The following AP1M1 variants were observed in gnomAD, a reference collection of about 807,000 sequenced individuals.
AP1M1 encodes adaptor related protein complex 1 subunit mu 1, also known as AP-1 complex subunit mu-1.
A neutral mutation model predicts 57.1 loss-of-function variants in AP1M1; 18 were observed. The observed-to-expected ratio is 0.32, with a 90% CI of 0.22 to 0.47. AP1M1 has a LOEUF of 0.47. Among genes scored for constraint, AP1M1 ranks in the 20% least tolerant of loss-of-function variants. AP1M1 has a pLI of 1.00. For missense variants in AP1M1, 362 were observed against 593.5 expected (o/e 0.61, Z 4.05); for synonymous variants, 241 against 237.9 (o/e 1.01, Z -0.12).
intron 10 of AP1M1, chr19:16,233,931 C>T: frequency 1.8e-6 from 1 of 554,350 alleles, no homozygotes; most frequent in Non-Finnish European, 3.1e-6. Flanking sequence ...CCCAGAGAGC[C>T]AGGGGCCTTC....
rs1224483656 is a variant in AP1M1, at chr19:16,239,564, T to A, written c.*5129T>A. 6.6e-6 allele frequency: 1 copy of A among 151,832 alleles called. No homozygotes were observed. Among genetic ancestry groups the A allele is most frequent in the Admixed American group, 6.6e-5 (1 of 15,226 alleles). 9.4% of individuals were successfully genotyped at this position (151,832 alleles called of 1,614,324 possible). A position where few individuals can be genotyped will look rare whatever the true frequency, so the allele number is the denominator to read the frequency against. On this transcript the variant is annotated 3_prime_UTR_variant, in exon 12 of 12. Transcript: ENST00000291439. Reference sequence around the variant, plus strand: ...TTGGGAGGCTGAGGCGGCCAGATCATTTTAGGTCAGGAGTTTGAGACCAGC... The same window carrying A: ...TTGGGAGGCTGAGGCGGCCAGATCAATTTAGGTCAGGAGTTTGAGACCAGC...
At chr19:16,204,133 CTG>C (rs1028775376) in intron 2 of AP1M1, among the ~76,000 whole-genome samples, 39 of 151,772 alleles carry the variant, frequency 2.6e-4, no homozygotes, top group African/African-American at 9.2e-4. Flanking sequence ...TGGGGCAAGA[CTG>C]TGGGGACAGG....
In AP1M1 at chr19:16,207,959, C is replaced by T. The variant is rs895488304; in HGVS notation, c.268-60C>T. ...GAATGTGTGCAAGCGTTCATTCATTCCTCATCCGTCCGCTCAATGATCTGC... is the reference window on the plus strand; with the variant it reads ...GAATGTGTGCAAGCGTTCATTCATTTCTCATCCGTCCGCTCAATGATCTGC... On this transcript the variant is annotated intron_variant, in intron 3 of 11. Transcript: ENST00000291439. This position sits in a 1 kb window ranked among gnomAD's most constrained non-coding sequence, Gnocchi z 4.2. The T allele has an allele frequency of 3.8e-6, 6 of 1,564,116 alleles. No homozygotes were observed. The highest frequency in any genetic ancestry group is 5.2e-6 in the Non-Finnish European group (6 of 1,154,346).
chr19:16,203,394 G>A lies in AP1M1; in HGVS notation c.43-65G>A. On this transcript the variant is annotated intron_variant, in intron 1 of 11. Transcript: ENST00000291439. The surrounding 1 kb of genome is among the most constrained non-coding windows in gnomAD (Gnocchi z 4.6). ...AGCAGGGTGGTGCATCTCACCCCCT[G>A]CCCCAAGCCCCCAGATTGTAGAACT... is the stretch of plus-strand genomic sequence containing the variant. 6.3e-7 allele frequency: 1 copy of A among 1,578,076 alleles called. No individual in the cohort carries two copies. Among genetic ancestry groups the A allele is most frequent in the Non-Finnish European group, 8.7e-7 (1 of 1,149,598 alleles).
At position 16,221,683 on chromosome 19, in the gene AP1M1, C is replaced by T. The variant is rs755621811; in HGVS notation, c.547-4738C>T. ...TCCTTTATGTCTAAAACAAATATTTCGGTTAAAGTACAAGGACATAGAATG... is the reference window on the plus strand; with the variant it reads ...TCCTTTATGTCTAAAACAAATATTTTGGTTAAAGTACAAGGACATAGAATG... On this transcript the variant is annotated intron_variant, in intron 5 of 11. Transcript: ENST00000291439. Among the ~76,000 whole-genome samples, 203 of 152,272 alleles carry T rather than the reference C, an allele frequency of 1.3e-3. 1 individual carries two copies. The highest frequency in any genetic ancestry group is 3.9e-3 in the African/African-American group (160 of 41,544).
Position 16,227,735 on chromosome 19 carries a change from C to T in AP1M1, c.816+45C>T, listed in dbSNP as rs778518004. The stretch of plus-strand genomic sequence containing the variant: ...GCTGGGCTGTCGGCAGACTCCTCCT[C>T]CCCTTCACCTCCAGGAGGTGAAGCC... On this transcript the variant is annotated intron_variant, in intron 7 of 11. Transcript: ENST00000291439. This position sits in a 1 kb window ranked among gnomAD's most constrained non-coding sequence, Gnocchi z 6.2. 5 of 1,596,738 alleles carry T rather than the reference C, an allele frequency of 3.1e-6. No homozygotes were observed. Among genetic ancestry groups the T allele is most frequent in the Non-Finnish European group, 4.3e-6 (5 of 1,168,952 alleles).
intron 4 of AP1M1, 66 bp from the exon 5 acceptor site, chr19:16,208,964 C>G: frequency 6.4e-7 from 1 of 1,558,496 alleles, no homozygotes; most frequent in East Asian, 2.3e-5. Context: ...GCCGAAATGT[C>G]AAGGCCAGAA....
rs998281993 is a variant in AP1M1 at position 16,236,356 on chromosome 19, G to T, written c.*1921G>T. 2 of 152,274 alleles carry T rather than the reference G, an allele frequency of 1.3e-5. No homozygotes were observed. Among genetic ancestry groups the T allele is most frequent in the African/African-American group, 4.8e-5 (2 of 41,456 alleles). The allele number at this position is 152,274 out of a possible 1,614,324, so 9.4% of individuals were successfully genotyped here. ...AGACTGTAGAAATGCAGGAAATGAA[G>T]CAGACGCACCTAGCCGTGCCCATAA... On this transcript the variant is annotated 3_prime_UTR_variant, in exon 12 of 12. Transcript: ENST00000291439.
intron 2 of AP1M1, among the ~76,000 whole-genome samples, chr19:16,205,356 C>G (rs1036955592): frequency 6.6e-6 from 1 of 152,172 alleles, no homozygotes; most frequent in Admixed American, 6.5e-5. Flanking sequence ...TCAGCAAGGC[C>G]GTGGCTGAGA....
Position 16,197,932 on chromosome 19 carries a change from C to A in AP1M1, c.-95C>A. 1.9e-6 allele frequency: 2 copies of A among 1,027,818 alleles called. No homozygotes were observed. Among genetic ancestry groups the A allele is most frequent in the Non-Finnish European group, 1.3e-6 (1 of 764,870 alleles). 63.7% of individuals were successfully genotyped at this position (1,027,818 alleles called of 1,614,324 possible). The stretch of plus-strand genomic sequence containing the variant: ...AACCGGAAGTGGAGGTGAGCTGTCG[C>A]GGGCGGCGCCCGGCCTTGCTCAACG... On this transcript the variant is annotated 5_prime_UTR_variant, in exon 1 of 12. Transcript: ENST00000291439.
intron 5 of AP1M1, among the ~76,000 whole-genome samples, 197 bp from the exon 6 acceptor site, chr19:16,226,224 G>T (rs1346144639): frequency 6.6e-6 from 1 of 152,194 alleles, no homozygotes; most frequent in African/African-American, 2.4e-5. Context: ...CCTCAGCCAG[G>T]CGTGGGTTGG....
In AP1M1 at chr19:16,237,174, C is replaced by T. The variant is rs574286899; in HGVS notation, c.*2739C>T. ...TTCGGCCAGGCGTGGTGGCTCACGC[C>T]CGTGAGCCCAATACTTTGGGAAGCC... On this transcript the variant is annotated 3_prime_UTR_variant, in exon 12 of 12. Coordinates refer to ENST00000291439, the MANE Select transcript of AP1M1 (RefSeq NM_032493.4). The T allele has an allele frequency of 5.3e-5, 8 of 152,202 alleles. No homozygotes were observed. The highest frequency in any genetic ancestry group is 8.8e-5 in the Non-Finnish European group (6 of 68,052). 9.4% of individuals were successfully genotyped at this position (152,202 alleles called of 1,614,324 possible).
intron 5 of AP1M1, among the ~76,000 whole-genome samples, chr19:16,221,386 C>T (rs1409313449): frequency 2.0e-5 from 3 of 152,212 alleles, no homozygotes; most frequent in Admixed American, 6.5e-5. Flanking sequence ...AGAGCACACC[C>T]GAACAAAGGA....
At position 16,227,536 on chromosome 19, in the gene AP1M1, C is replaced by A. The variant is rs1248063472; in HGVS notation, c.674-12C>A. 1 of 1,613,296 alleles carries A rather than the reference C, an allele frequency of 6.2e-7. No homozygotes were observed. Among genetic ancestry groups the A allele is most frequent in the Non-Finnish European group, 8.5e-7 (1 of 1,179,514 alleles). On this transcript the variant is annotated splice_polypyrimidine_tract_variant and intron_variant, in intron 6 of 11. Coordinates refer to ENST00000291439, the MANE Select transcript of AP1M1 (RefSeq NM_032493.4). The surrounding 1 kb of genome is among the most constrained non-coding windows in gnomAD (Gnocchi z 6.2). ...GGGCCCAGATCTGTCCTACCCTCACCCCTGACCCCAGGCGGCAAAAGCAAA... is the reference window on the plus strand; with the variant it reads ...GGGCCCAGATCTGTCCTACCCTCACACCTGACCCCAGGCGGCAAAAGCAAA...
intron 5 of AP1M1, among the ~76,000 whole-genome samples, 160 bp from the exon 6 acceptor site, chr19:16,226,261 C>T (rs952783200): frequency 6.6e-6 from 1 of 152,170 alleles, no homozygotes; most frequent in African/African-American, 2.4e-5. Context: ...ACCTTAGCCA[C>T]AGCTGGGACT....
intron 5 of AP1M1, chr19:16,210,323 C>A (rs1458150991): frequency 1.7e-5 from 12 of 708,310 alleles, no homozygotes; most frequent in Middle Eastern, 2.3e-4. Flanking sequence ...ATGTCGTGTC[C>A]AGGTTTATGT....
At chr19:16,198,361 C>T in intron 1 of AP1M1, 1 of 211,638 alleles carries the variant, frequency 4.7e-6, no homozygotes, top group South Asian at 1.2e-4. Flanking sequence ...GGGGCTCGGG[C>T]CTCGGTGGAG....
chr19:16,232,819 C>T (rs967613831), intron 9 of AP1M1, among the ~76,000 whole-genome samples: 10 of 152,164 alleles, frequency 6.6e-5, no homozygotes, highest in African/African-American at 1.9e-4. Context: ...CTGCTCAGGG[C>T]GAGACCAGGC....
chr19:16,198,983 T>G (rs1276364072), intron 1 of AP1M1, among the ~76,000 whole-genome samples: 1 of 152,072 alleles, frequency 6.6e-6, no homozygotes, highest in African/African-American at 2.4e-5. Context: ...AAATTTTGTA[T>G]TTTTAGTAGA....
Sources: allele counts gnomAD v4.1 joint callset (sites outside exome capture counted in the v4.1 genomes callset), GRCh38; gene constraint gnomAD v4.1.1; non-coding constraint Gnocchi (gnomAD v3.1); transcripts MANE v1.5; gene names NCBI Gene and HGNC (gene_info 2026-07-23, HGNC 2026-07-21).